The following PGCKA1 variants were observed in gnomAD, a reference collection of about 807,000 sequenced individuals.
The protein encoded by PGCKA1 is PDCD10 and GCKIII kinases-associated protein 1.
the PGCKA1 span, among the ~76,000 whole-genome samples, chr4:37,472,202 T>G: frequency 1.8e-4 from 28 of 152,234 alleles, no homozygotes; most frequent in Admixed American, 1.8e-3. Flanking sequence ...GCCCTACCCA[T>G]GTCCACAAAT....
At chr4:37,463,083 C>A in the PGCKA1 span, among the ~76,000 whole-genome samples, 3 of 151,740 alleles carry the variant, frequency 2.0e-5, no homozygotes, top group Non-Finnish European at 4.4e-5. Flanking sequence ...GAGAATGGGA[C>A]CTCTTAAAGG....
the PGCKA1 span, among the ~76,000 whole-genome samples, chr4:37,564,917 T>C: frequency 1.6e-4 from 25 of 152,140 alleles, no homozygotes; most frequent in Non-Finnish European, 3.4e-4. Flanking sequence ...CATGACCCAG[T>C]GCCCTGTGCT....
the PGCKA1 span, among the ~76,000 whole-genome samples, chr4:37,494,616 T>G: frequency 6.6e-6 from 1 of 152,222 alleles, no homozygotes; most frequent in Non-Finnish European, 1.5e-5. Flanking sequence ...GATAGAACGA[T>G]TTATATTCCT....
the PGCKA1 span, among the ~76,000 whole-genome samples, chr4:37,565,554 T>C: frequency 0.024 from 3,633 of 152,268 alleles, 157 homozygotes; most frequent in African/African-American, 0.084. Flanking sequence ...AAATGTACAG[T>C]GGGCAGAGAC....
the PGCKA1 span, among the ~76,000 whole-genome samples, chr4:37,532,208 C>G: frequency 6.6e-6 from 1 of 152,108 alleles, no homozygotes; most frequent in East Asian, 1.9e-4. Flanking sequence ...GCAAATTAAA[C>G]TTAAAAGTGT....
chr4:37,497,638 T>C, the PGCKA1 span, among the ~76,000 whole-genome samples: 1 of 152,230 alleles, frequency 6.6e-6, no homozygotes. Flanking sequence ...TTGGTGATGT[T>C]GAGCATTTTT....
the PGCKA1 span, among the ~76,000 whole-genome samples, chr4:37,580,350 C>T: frequency 7.0e-6 from 1 of 142,642 alleles, no homozygotes; most frequent in Admixed American, 7.1e-5. Flanking sequence ...TGGATGCTCA[C>T]TGGTGTCTGG....
the PGCKA1 span, among the ~76,000 whole-genome samples, chr4:37,516,754 G>A: frequency 2.0e-5 from 3 of 152,096 alleles, no homozygotes; most frequent in African/African-American, 7.2e-5. Flanking sequence ...CTCTTTAAAA[G>A]CAAATATGTG....
the PGCKA1 span, among the ~76,000 whole-genome samples, chr4:37,562,635 C>T: frequency 4.6e-5 from 7 of 152,154 alleles, no homozygotes; most frequent in Admixed American, 4.6e-4. Context: ...CACTGTCTGC[C>T]CACCTTTGCC....
the PGCKA1 span, chr4:37,588,565 C>T: frequency 5.7e-6 from 2 of 349,910 alleles, no homozygotes; most frequent in African/African-American, 2.0e-5. Context: ...CCTTCTTCTC[C>T]TCATCTGCAA....
At chr4:37,472,118 G>T in the PGCKA1 span, among the ~76,000 whole-genome samples, 1 of 152,192 alleles carries the variant, frequency 6.6e-6, no homozygotes, top group Non-Finnish European at 1.5e-5. Context: ...GCTGCATACT[G>T]CGTGTGCCCC....
At chr4:37,550,532 A>G in the PGCKA1 span, among the ~76,000 whole-genome samples, 1 of 152,178 alleles carries the variant, frequency 6.6e-6, no homozygotes, top group African/African-American at 2.4e-5. Context: ...TAGAACTGGT[A>G]ATCACAAACC....
At chr4:37,522,695 G>A in the PGCKA1 span, among the ~76,000 whole-genome samples, 2 of 151,968 alleles carry the variant, frequency 1.3e-5, no homozygotes, top group Admixed American at 6.6e-5. Flanking sequence ...AGCAGGTGAT[G>A]AATGCTGCCA....
At chr4:37,504,582 G>A in the PGCKA1 span, among the ~76,000 whole-genome samples, 2 of 152,046 alleles carry the variant, frequency 1.3e-5, no homozygotes, top group Non-Finnish European at 2.9e-5. Flanking sequence ...CATTTTGTGT[G>A]TGTGTCGTTT....
At chr4:37,543,857 G>C in the PGCKA1 span, among the ~76,000 whole-genome samples, 1 of 151,532 alleles carries the variant, frequency 6.6e-6, no homozygotes, top group Non-Finnish European at 1.5e-5. Context: ...AAGGCTGCTA[G>C]AGCCTTCTTA....
chr4:37,555,493 A>G, the PGCKA1 span, among the ~76,000 whole-genome samples: 1 of 152,172 alleles, frequency 6.6e-6, no homozygotes, highest in Admixed American at 6.5e-5. Flanking sequence ...TGGTTTGTTT[A>G]TCTTTCCGAA....
the PGCKA1 span, among the ~76,000 whole-genome samples, chr4:37,561,841 A>C: frequency 2.0e-5 from 3 of 152,218 alleles, no homozygotes; most frequent in Non-Finnish European, 4.4e-5. Flanking sequence ...TTGTTAAAGC[A>C]CTTTATTTGC....
the PGCKA1 span, among the ~76,000 whole-genome samples, chr4:37,515,615 G>GT: frequency 1.3e-5 from 2 of 152,300 alleles, no homozygotes; most frequent in South Asian, 2.1e-4. Context: ...GTAGTCTACT[G>GT]TTTTTTATGC....
the PGCKA1 span, among the ~76,000 whole-genome samples, chr4:37,547,009 G>C: frequency 6.6e-6 from 1 of 151,130 alleles, no homozygotes; most frequent in Non-Finnish European, 1.5e-5. Context: ...GCACTTTGAT[G>C]TTGATTTTGG....
Sources: allele counts gnomAD v4.1 joint callset (sites outside exome capture counted in the v4.1 genomes callset), GRCh38; gene constraint gnomAD v4.1.1; transcripts MANE v1.5; gene names NCBI Gene and HGNC (gene_info 2026-07-23, HGNC 2026-07-21).